The following ABCA3 variants were observed in gnomAD, a reference collection of about 807,000 sequenced individuals.
ABCA3 encodes the protein ATP binding cassette subfamily A member 3, also known as phospholipid-transporting ATPase ABCA3.
A neutral mutation model predicts 172.8 loss-of-function variants in ABCA3; 88 were observed. The ratio of observed to expected loss-of-function variants is 0.51; its 90% confidence interval spans 0.43 to 0.61. The LOEUF (loss-of-function observed/expected upper bound fraction) is 0.61, where lower values mean the gene tolerates loss of function less well. Among genes scored for constraint, ABCA3 ranks in the 20% least tolerant of loss-of-function variants. ABCA3 has a pLI of 0.00. For missense variants in ABCA3, 2,164 were observed against 2,301.0 expected, an observed-to-expected ratio of 0.94 and a Z score of 1.22; for synonymous variants, 1,066 against 983.8, an observed-to-expected ratio of 1.08 and a Z score of -1.56.
intron 1 of ABCA3, among the ~76,000 whole-genome samples, chr16:2,330,806 C>G (rs1415276808): frequency 2.0e-5 from 3 of 150,352 alleles, no homozygotes. Flanking sequence ...TCACGCCATT[C>G]TCCTGCCTCA....
intron 1 of ABCA3, among the ~76,000 whole-genome samples, chr16:2,336,620 T>G (rs1011824060): frequency 1.0e-5 from 1 of 99,810 alleles, no homozygotes; most frequent in Non-Finnish European, 2.0e-5. Flanking sequence ...TTTTTTTTTT[T>G]GTAGAGACGG....
intron 8 of ABCA3, 141 bp downstream of exon 8, chr16:2,319,440 G>A (rs1015981756): frequency 1.3e-4 from 149 of 1,175,866 alleles, no homozygotes; most frequent in South Asian, 1.9e-4. Context: ...AGCCGAGATC[G>A]CACCACTGCA....
chr16:2,303,739 A>G (rs982392754), intron 12 of ABCA3, among the ~76,000 whole-genome samples: 14 of 152,158 alleles, frequency 9.2e-5, no homozygotes, highest in African/African-American at 3.1e-4. Context: ...CCTCTGTCTC[A>G]GGCTCTGAAG....
intron 17 of ABCA3, among the ~76,000 whole-genome samples, chr16:2,296,942 C>T (rs2093680734): frequency 6.6e-6 from 1 of 152,204 alleles, no homozygotes; most frequent in Admixed American, 6.5e-5. Context: ...TTGCACAGTA[C>T]AGTCAGAGGT....
At chr16:2,339,579 G>A (rs924557300) in intron 1 of ABCA3, among the ~76,000 whole-genome samples, 13 of 152,198 alleles carry the variant, frequency 8.5e-5, no homozygotes, top group East Asian at 3.8e-4. Context: ...ATGACGGGAT[G>A]CCCAGGAGAA....
At chr16:2,323,727 CCAGA>C (rs749967793) in intron 6 of ABCA3, 39 bp from the exon 7 acceptor site, 1 of 1,613,228 alleles carries the variant, frequency 6.2e-7, no homozygotes, top group Non-Finnish European at 8.5e-7. Flanking sequence ...TCCGAGAGAT[CCAGA>C]CAGAGGGGCA....
chr16:2,300,560 A>G (rs891579009), intron 12 of ABCA3, among the ~76,000 whole-genome samples: 4 of 152,184 alleles, frequency 2.6e-5, no homozygotes, highest in African/African-American at 9.7e-5. Flanking sequence ...ACATGAGTTC[A>G]TGACTGTAAG....
intron 26 of ABCA3, among the ~76,000 whole-genome samples, chr16:2,282,593 T>A (rs2093656825): frequency 6.6e-6 from 1 of 151,894 alleles, no homozygotes; most frequent in Non-Finnish European, 1.5e-5. Flanking sequence ...CAGCCCCACA[T>A]CCCCTCCTCC....
intron 12 of ABCA3, among the ~76,000 whole-genome samples, chr16:2,301,881 T>C (rs894782118): frequency 6.6e-6 from 1 of 152,154 alleles, no homozygotes; most frequent in African/African-American, 2.4e-5. Flanking sequence ...AAACTGGCCA[T>C]AAATAAAATC....
chr16:2,297,522 C>T lies in ABCA3; in HGVS notation c.2070G>A (p.Glu690=). 1 of 1,612,716 alleles carries T rather than the reference C, an allele frequency of 6.2e-7. No individual in the cohort carries two copies. Reference sequence around the variant, plus strand: ...AGATGGCGTCCATGCCCGAGGTGGGCTCGTCCAGTATCAGCACCTGGAGGG... The same window carrying T: ...AGATGGCGTCCATGCCCGAGGTGGGTTCGTCCAGTATCAGCACCTGGAGGG... ...IAGSKVLILD[E]PTSGMDAISR... is the part of the protein sequence containing the mutation. The change falls in exon 17 of 33, where the codon GAG becomes GAA. Residue 690 remains glutamate, a synonymous_variant. Transcript: ENST00000301732. This position sits in a 1 kb window ranked among gnomAD's most constrained non-coding sequence, Gnocchi z 5.6.
chr16:2,309,812 G>C (rs1372396891), intron 10 of ABCA3, among the ~76,000 whole-genome samples: 1 of 152,036 alleles, frequency 6.6e-6, no homozygotes, highest in African/African-American at 2.4e-5. Flanking sequence ...GTAGAGATGG[G>C]TTTCCCTATT....
intron 32 of ABCA3, 65 bp from the exon 33 acceptor site, chr16:2,276,870 G>C (rs955046110): frequency 3.7e-6 from 6 of 1,600,456 alleles, no homozygotes; most frequent in Admixed American, 3.3e-5. Context: ...CGGGACCTGG[G>C]AGTCCTCTGG....
chr16:2,288,420 C>A, intron 20 of ABCA3, 91 bp from the exon 21 acceptor site: 1 of 1,427,456 alleles, frequency 7.0e-7, no homozygotes, highest in Non-Finnish European at 9.4e-7. Context: ...TTCTGTGTGA[C>A]GCCAGCCTGG....
At chr16:2,329,207 T>C (rs957233347) in intron 2 of ABCA3, among the ~76,000 whole-genome samples, 2 of 152,210 alleles carry the variant, frequency 1.3e-5, no homozygotes, top group Non-Finnish European at 2.9e-5. Context: ...CTTAATAAAT[T>C]ATCCCAATTC....
At chr16:2,289,412 GC>G (rs2093668319) in intron 20 of ABCA3, 21 bp downstream of exon 20, 7 of 893,206 alleles carry the variant, frequency 7.8e-6, no homozygotes, top group Non-Finnish European at 1.2e-5. Flanking sequence ...CCCGCCACCC[GC>G]CCACCCACCT....
chr16:2,334,405 G>A (rs2093748441), intron 1 of ABCA3, among the ~76,000 whole-genome samples: 1 of 152,026 alleles, frequency 6.6e-6, no homozygotes, highest in African/African-American at 2.4e-5. Context: ...GACTGGTTTT[G>A]TTTAATCCTT....
intron 10 of ABCA3, among the ~76,000 whole-genome samples, chr16:2,312,632 G>A (rs1394002278): frequency 6.6e-6 from 1 of 151,526 alleles, no homozygotes; most frequent in Non-Finnish European, 1.5e-5. Context: ...GGGTTCAAGT[G>A]ATTCTCCTGC....
chr16:2,337,196 T>C (rs541565616), intron 1 of ABCA3, among the ~76,000 whole-genome samples: 36 of 152,126 alleles, frequency 2.4e-4, no homozygotes, highest in African/African-American at 8.4e-4. Flanking sequence ...TATACAGGTG[T>C]GAGCCACCAT....
At chr16:2,338,886 C>T (rs570924050) in intron 1 of ABCA3, among the ~76,000 whole-genome samples, 3 of 151,602 alleles carry the variant, frequency 2.0e-5, no homozygotes, top group South Asian at 2.1e-4. Flanking sequence ...TCCTGAGTAG[C>T]TGGGATTACA....
Sources: allele counts gnomAD v4.1 joint callset (sites outside exome capture counted in the v4.1 genomes callset), GRCh38; gene constraint gnomAD v4.1.1; non-coding constraint Gnocchi (gnomAD v3.1); transcripts MANE v1.5; gene names NCBI Gene and HGNC (gene_info 2026-07-23, HGNC 2026-07-21).